The following TAB2 variants were observed in gnomAD, a reference collection of about 807,000 sequenced individuals.
TAB2 encodes TGF-beta activated kinase 1 (MAP3K7) binding protein 2, also known as TGF-beta-activated kinase 1 and MAP3K7-binding protein 2.
A neutral mutation model predicts 65.0 loss-of-function variants in TAB2; 3 were observed. The observed-to-expected ratio is 0.05, with a 90% CI of 0.02 to 0.12. The LOEUF (loss-of-function observed/expected upper bound fraction) is 0.12. TAB2 is among the 10% of genes least tolerant of loss of function. The pLI is 1.00. For missense variants in TAB2, 623 were observed against 840.3 expected (o/e 0.74, Z 3.20); for synonymous variants, 298 against 285.1 (o/e 1.05, Z -0.46).
At chr6:149,363,807 C>T (rs1425130357) in intron 1 of TAB2, among the ~76,000 whole-genome samples, 1 of 152,132 alleles carries the variant, frequency 6.6e-6, no homozygotes, top group Non-Finnish European at 1.5e-5. Flanking sequence ...ACCCATATAT[C>T]ACAACTCCCT....
chr6:149,313,353 CATCT>C (rs1779197569), upstream of TAB2, among the ~76,000 whole-genome samples: 3 of 151,994 alleles, frequency 2.0e-5, no homozygotes, highest in Non-Finnish European at 4.4e-5. Flanking sequence ...CCCGAAACTC[CATCT>C]GTTGCCCCTG....
intron 1 of TAB2, among the ~76,000 whole-genome samples, chr6:149,308,114 T>C (rs1779100932): frequency 6.6e-6 from 1 of 152,254 alleles, no homozygotes; most frequent in Non-Finnish European, 1.5e-5. Context: ...AACTCATTAC[T>C]TAGTAAGATG....
intron 3 of TAB2, 36 bp from the exon 4 acceptor site, chr6:149,397,568 T>G (rs1209354506): frequency 3.7e-6 from 6 of 1,612,286 alleles, no homozygotes; most frequent in Non-Finnish European, 4.2e-6. Context: ...TTGATTAAAG[T>G]GGGTGGGTCC....
intron 3 of TAB2, among the ~76,000 whole-genome samples, chr6:149,382,546 A>T (rs1397467427): frequency 2.0e-5 from 3 of 152,042 alleles, no homozygotes; most frequent in African/African-American, 7.2e-5. Flanking sequence ...CAGTGAGCCG[A>T]GATCATGCCA....
At chr6:149,226,262 G>A (rs530950320) in intron 1 of TAB2, among the ~76,000 whole-genome samples, 1 of 152,332 alleles carries the variant, frequency 6.6e-6, no homozygotes, top group East Asian at 1.9e-4. Flanking sequence ...TCCAGTGAAG[G>A]CATGGCTGTA....
Position 149,398,036 on chromosome 6 carries a change from A to G in TAB2, c.1832A>G (p.Lys611Arg), listed in dbSNP as rs1458116722. 2.5e-6 allele frequency: 4 copies of G among 1,613,898 alleles called. No homozygotes were observed. Among genetic ancestry groups the G allele is most frequent in the Non-Finnish European group, 3.4e-6 (4 of 1,179,920 alleles). ...QLQIDIDCLT[K>R]EIDLFQARGP... ...CAGATTGACATTGACTGCTTAACCA[A>G]AGAAATTGATCTTTTTCAAGCCCGA... is the stretch of plus-strand genomic sequence containing the variant. The change falls in exon 5 of 7, where the codon AAA (lysine) becomes AGA (arginine). Residue 611 changes from lysine (K) to arginine (R), a missense_variant. Physicochemically the swap from Lys to Arg is conservative, Grantham distance 26. Transcript: ENST00000637181.
At chr6:149,371,615 T>C (rs1026934760) in intron 2 of TAB2, among the ~76,000 whole-genome samples, 1 of 152,208 alleles carries the variant, frequency 6.6e-6, no homozygotes, top group Non-Finnish European at 1.5e-5. Context: ...TTTCTGACTT[T>C]CATTTCCTCC....
chr6:149,378,744 G>T lies in TAB2; in HGVS notation c.829G>T (p.Gly277Cys). The T allele has an allele frequency of 6.2e-7, 1 of 1,613,994 alleles. No homozygotes were observed. Among genetic ancestry groups the T allele is most frequent in the African/African-American group, 1.3e-5 (1 of 74,952 alleles). ...HTSSQQPNQQ[G>C]HQTSHVYMPI... ...CTCATCTCAACAGCCAAATCAGCAA[G>T]GCCACCAGACCTCTCATGTCTACAT... The change falls in exon 3 of 7, where the codon GGC becomes TGC. Residue 277 changes from glycine to cysteine, a missense_variant. Coordinates refer to ENST00000637181, the MANE Select transcript of TAB2 (RefSeq NM_001292034.3).
Position 149,410,049 on chromosome 6 carries a change from A to G in TAB2, c.*330A>G, listed in dbSNP as rs1362498124. ...CCCAATACCTTTTTCCCCTCATGTC[A>G]CTACTGAATTTTGACAGGAGGAAGG... On this transcript the variant is annotated 3_prime_UTR_variant, in exon 7 of 7. Coordinates refer to ENST00000637181, the MANE Select transcript of TAB2 (RefSeq NM_001292034.3). The G allele has an allele frequency of 2.9e-5, 10 of 339,660 alleles. No individual in the cohort carries two copies. In the East Asian group the frequency reaches 6.0e-4, roughly 20 times the overall value. 21.0% of individuals were successfully genotyped at this position (339,660 alleles called of 1,614,324 possible).
At chr6:149,228,098 C>G (rs963721296) in intron 1 of TAB2, among the ~76,000 whole-genome samples, 2 of 152,016 alleles carry the variant, frequency 1.3e-5, no homozygotes, top group East Asian at 3.9e-4. Context: ...TTAAGCCCAG[C>G]GCCAAGTCAG....
At chr6:149,388,570 T>C (rs1360075934) in intron 3 of TAB2, among the ~76,000 whole-genome samples, 1 of 152,222 alleles carries the variant, frequency 6.6e-6, no homozygotes, top group Non-Finnish European at 1.5e-5. Flanking sequence ...ACTCATCATA[T>C]TTTGTAGGTG....
At chr6:149,366,449 A>G (rs1175137522) in intron 1 of TAB2, among the ~76,000 whole-genome samples, 3 of 152,074 alleles carry the variant, frequency 2.0e-5, no homozygotes, top group Non-Finnish European at 2.9e-5. Flanking sequence ...CTAAGCTTTC[A>G]GCTGTTATGA....
At chr6:149,367,196 T>C (rs1457169562) in intron 1 of TAB2, among the ~76,000 whole-genome samples, 1 of 152,102 alleles carries the variant, frequency 6.6e-6, no homozygotes, top group Non-Finnish European at 1.5e-5. Context: ...TGATACATGT[T>C]ATGAAATAAA....
At chr6:149,379,632 C>A in intron 3 of TAB2, 114 bp downstream of exon 3, 1 of 948,086 alleles carries the variant, frequency 1.1e-6, no homozygotes, top group Non-Finnish European at 1.7e-6. Context: ...AAATATTGCC[C>A]CAAATGATGT....
At chr6:149,314,954 TAA>T (rs1162779466), upstream of TAB2, among the ~76,000 whole-genome samples, 1 of 151,630 alleles carries the variant, frequency 6.6e-6, no homozygotes, top group Non-Finnish European at 1.5e-5. Flanking sequence ...GTCTTGAGGA[TAA>T]AAGACACTGA....
chr6:149,237,738 C>T (rs1307189815), intron 1 of TAB2, among the ~76,000 whole-genome samples: 2 of 152,200 alleles, frequency 1.3e-5, no homozygotes, highest in South Asian at 2.1e-4. Flanking sequence ...CTTTTGACAG[C>T]CAGTCCCCTC....
At chr6:149,282,010 C>A (rs541909810) in intron 1 of TAB2, among the ~76,000 whole-genome samples, 2 of 152,178 alleles carry the variant, frequency 1.3e-5, no homozygotes, top group East Asian at 3.9e-4. Context: ...TCTTATAAAA[C>A]CAGCTGGATC....
chr6:149,378,129 C>T lies in TAB2; in HGVS notation c.214C>T (p.Arg72Cys), dbSNP rs767600251. ...FSDDSGISGL[R>C]NHMTSLNLDL... is the part of the protein sequence containing the mutation. ...AGATGATTCTGGAATTTCTGGTCTA[C>T]GCAATCACATGACTTCTCTCAACTT... Residue 72 changes from arginine to cysteine, a missense_variant, in exon 3 of 7, where the codon CGC becomes TGC. Coordinates refer to ENST00000637181, the MANE Select transcript of TAB2 (RefSeq NM_001292034.3). The T allele has an allele frequency of 9.3e-6, 15 of 1,613,996 alleles. No individual in the cohort carries two copies. Among genetic ancestry groups the T allele is most frequent in the African/African-American group, 4.0e-5 (3 of 74,902 alleles).
intron 1 of TAB2, among the ~76,000 whole-genome samples, chr6:149,276,794 T>C (rs1056209742): frequency 1.3e-5 from 2 of 152,190 alleles, no homozygotes; most frequent in Non-Finnish European, 2.9e-5. Context: ...TATTCAACAA[T>C]TCCATTTCTA....
Sources: gnomAD v4.1 joint callset for allele counts (sites outside exome capture counted in the v4.1 genomes callset) on GRCh38, gnomAD v4.1.1 for gene constraint, MANE v1.5 for transcripts, NCBI Gene and HGNC (gene_info 2026-07-23, HGNC 2026-07-21) for gene names.